The following DNAH10 variants were observed in gnomAD, a reference collection of about 807,000 sequenced individuals.
DNAH10 encodes the protein axonemal beta dynein heavy chain 10.
Under a neutral mutation model 506.6 loss-of-function variants are expected in DNAH10, and 348 were observed. The ratio of observed to expected loss-of-function variants is 0.69; its 90% confidence interval spans 0.63 to 0.75. DNAH10 has a LOEUF of 0.75. Ranked by LOEUF, DNAH10 falls within the 30% of genes least tolerant of loss-of-function variation. The pLI is 0.00. For synonymous variants in DNAH10, 2,059 were observed against 2,198.6 expected (o/e 0.94, Z 1.78); for missense variants, 5,179 against 5,787.1 (o/e 0.89, Z 3.41).
intron 59 of DNAH10, 121 bp downstream of exon 59, chr12:123,910,793 C>G: frequency 1.5e-6 from 2 of 1,315,798 alleles, no homozygotes; most frequent in South Asian, 1.5e-5. Flanking sequence ...GCTGCATAAA[C>G]TTTCCCTCCA....
At chr12:123,851,423 A>T (rs1455952391) in intron 35 of DNAH10, among the ~76,000 whole-genome samples, 1 of 150,292 alleles carries the variant, frequency 6.7e-6, no homozygotes, top group Non-Finnish European at 1.5e-5. Flanking sequence ...TGGCTCTTTG[A>T]TTTTTGTTTT....
Position 123,913,393 on chromosome 12 carries a change from T to A in DNAH10, c.10352+78T>A, listed in dbSNP as rs1954322766. On this transcript the variant is annotated intron_variant, in intron 60 of 78. Transcript: ENST00000673944. This position sits in a 1 kb window ranked among gnomAD's most constrained non-coding sequence, Gnocchi z 5.1. ...ACAGAGTTTCTCGCCATGTTGATTC[T>A]TTATCTCACGTTGTGTTTTTATGTG... 7.1e-7 allele frequency: 1 copy of A among 1,408,472 alleles called. No homozygotes were observed. Among genetic ancestry groups the A allele is most frequent in the Non-Finnish European group, 9.5e-7 (1 of 1,052,668 alleles). 87.2% of individuals were successfully genotyped at this position (1,408,472 alleles called of 1,614,324 possible).
Position 123,796,757 on chromosome 12 carries a change from G to A in DNAH10, c.2088G>A (p.Leu696=). 6.2e-7 allele frequency: 1 copy of A among 1,614,054 alleles called. No homozygotes were observed. The highest frequency in any genetic ancestry group is 8.5e-7 in the Non-Finnish European group (1 of 1,180,016). Residue 696 remains leucine, a synonymous_variant, in exon 13 of 79, where the codon CTG becomes CTA. Coordinates refer to ENST00000673944, the MANE Select transcript of DNAH10 (RefSeq NM_001372106.1). ...VAGAIYWERS[L]FFRIKHTILR... ...GTGCAATATACTGGGAACGATCTCT[G>A]TTCTTTCGGATTAAGCATACCATCC...
At position 123,870,430 on chromosome 12, in the gene DNAH10, T is replaced by C. The variant is rs1951982335; in HGVS notation, c.7584T>C (p.Ser2528=). 1 of 1,613,366 alleles carries C rather than the reference T, an allele frequency of 6.2e-7. No individual in the cohort carries two copies. Among genetic ancestry groups the C allele is most frequent in the Non-Finnish European group, 8.5e-7 (1 of 1,179,748 alleles). The change falls in exon 44 of 79, where the codon AGT becomes AGC. Residue 2528 remains serine, a synonymous_variant. Transcript: ENST00000673944. ...AACGGAATCAATGGGTCCCATGGAG[T>C]AAATTAGTTCCAGAGTATATTCATG... The part of the protein sequence containing the change: ...DNKRNQWVPW[S]KLVPEYIHAP...
chr12:123,905,856 G>T (rs1468172089), intron 57 of DNAH10, among the ~76,000 whole-genome samples: 1 of 151,942 alleles, frequency 6.6e-6, no homozygotes, highest in Non-Finnish European at 1.5e-5. Context: ...TGAGGTTTAT[G>T]TGTGTGTTTG....
At chr12:123,776,553 TTGCATTC>T (rs2135998031) in intron 5 of DNAH10, among the ~76,000 whole-genome samples, 1 of 152,074 alleles carries the variant, frequency 6.6e-6, no homozygotes, top group East Asian at 1.9e-4. Context: ...GTGTTGTATT[TTGCATTC>T]TAGACGGGAA....
At chr12:123,840,183 T>C (rs1950717499) in intron 29 of DNAH10, among the ~76,000 whole-genome samples, 1 of 151,842 alleles carries the variant, frequency 6.6e-6, no homozygotes, top group African/African-American at 2.4e-5. Context: ...ACATTGCCAA[T>C]GTCCCCTGGT....
intron 18 of DNAH10, 119 bp from the exon 19 acceptor site, chr12:123,808,678 T>C: frequency 9.7e-7 from 1 of 1,029,304 alleles, no homozygotes; most frequent in South Asian, 1.5e-5. Context: ...TAGGACAGCC[T>C]CACAGTGTGC....
At chr12:123,858,064 A>G (rs1380599212) in intron 37 of DNAH10, among the ~76,000 whole-genome samples, 1 of 152,138 alleles carries the variant, frequency 6.6e-6, no homozygotes, top group Non-Finnish European at 1.5e-5. Context: ...TAAATTTTAT[A>G]TATATAGTTT....
chr12:123,812,119 A>G (rs1470621155), intron 19 of DNAH10, among the ~76,000 whole-genome samples: 1 of 152,152 alleles, frequency 6.6e-6, no homozygotes, highest in Non-Finnish European at 1.5e-5. Context: ...CTAATGTGTC[A>G]CATACCTATG....
At chr12:123,908,121 T>C (rs371102034) in intron 57 of DNAH10, among the ~76,000 whole-genome samples, 3,664 of 71,500 alleles carry the variant, frequency 0.051, 234 homozygotes, top group African/African-American at 0.18. Context: ...TCCCTGTCTC[T>C]CTGTCTCCTC....
intron 24 of DNAH10, among the ~76,000 whole-genome samples, chr12:123,822,476 C>A (rs35764407): frequency 0.041 from 6,274 of 152,206 alleles, 169 homozygotes; most frequent in Non-Finnish European, 0.065. Flanking sequence ...ATATCTATAT[C>A]TGTCTATATC....
In DNAH10 at chr12:123,935,500, T is replaced by C. The variant is rs758861728; in HGVS notation, c.*19T>C. 4 of 1,566,508 alleles carry C rather than the reference T, an allele frequency of 2.6e-6. No homozygotes were observed. Among genetic ancestry groups the C allele is most frequent in the Non-Finnish European group, 3.5e-6 (4 of 1,144,364 alleles). On this transcript the variant is annotated 3_prime_UTR_variant, in exon 79 of 79. Coordinates refer to ENST00000673944, the MANE Select transcript of DNAH10 (RefSeq NM_001372106.1). ...TGATTAACCTTTGGGTGAAGAAAACTGCTTAATGAATTCGGAGCCTGGGGT... is the reference window on the plus strand; with the variant it reads ...TGATTAACCTTTGGGTGAAGAAAACCGCTTAATGAATTCGGAGCCTGGGGT...
intron 48 of DNAH10, 63 bp downstream of exon 48, chr12:123,877,971 A>G (rs1952334137): frequency 6.5e-7 from 1 of 1,547,592 alleles, no homozygotes; most frequent in South Asian, 1.2e-5. Context: ...TATTCTTTTA[A>G]GACAGAGGGC....
In DNAH10 at chr12:123,909,241, G is replaced by A. The variant is rs560139380; in HGVS notation, c.9816-20G>A. On this transcript the variant is annotated intron_variant, in intron 57 of 78. Coordinates refer to ENST00000673944, the MANE Select transcript of DNAH10 (RefSeq NM_001372106.1). The surrounding 1 kb of genome is among the most constrained non-coding windows in gnomAD (Gnocchi z 5.4). The stretch of plus-strand genomic sequence containing the variant: ...GCCACATCCCGGGGTTGTGACCCAC[G>A]TGCCTTGGTTTCTTGCCAGGTCGTT... 128 of 1,604,942 alleles carry A rather than the reference G, an allele frequency of 8.0e-5. No individual in the cohort carries two copies. The African/African-American group carries it at 8.4e-4, about 11-fold the overall frequency.
At position 123,841,490 on chromosome 12, in the gene DNAH10, A is replaced by G. The variant is rs1950774350; in HGVS notation, c.5305A>G (p.Thr1769Ala). ...GGCAGTTTTGAATGAGATGAGAAGAACTAATAGACTAATTACCAAAGAGGC... is the reference window on the plus strand; with the variant it reads ...GGCAGTTTTGAATGAGATGAGAAGAGCTAATAGACTAATTACCAAAGAGGC... ...MTAVLNEMRR[T>A]NRLITKEAIF... Residue 1769 changes from threonine (T) to alanine (A), a missense_variant, in exon 30 of 79, where the codon ACT (threonine) becomes GCT (alanine). Around this residue, in one of 3 missense-constraint regions of DNAH10, gnomAD observed 4,844 missense variants for 5,430.5 expected, o/e 0.89. Coordinates refer to ENST00000673944, the MANE Select transcript of DNAH10 (RefSeq NM_001372106.1). 1 of 1,613,978 alleles carries G rather than the reference A, an allele frequency of 6.2e-7. No homozygotes were observed. The highest frequency in any genetic ancestry group is 8.5e-7 in the Non-Finnish European group (1 of 1,179,878).
chr12:123,834,766 T>A (rs1299910166), intron 27 of DNAH10, among the ~76,000 whole-genome samples: 1 of 152,246 alleles, frequency 6.6e-6, no homozygotes. Flanking sequence ...ATAAGCGGAA[T>A]GACACAATAT....
At chr12:123,774,441 G>A (rs1957365901) in intron 5 of DNAH10, among the ~76,000 whole-genome samples, 177 bp downstream of exon 5, 1 of 152,148 alleles carries the variant, frequency 6.6e-6, no homozygotes, top group African/African-American at 2.4e-5. Context: ...AGAAATTAAA[G>A]ACACACACAC....
chr12:123,762,481 G>T lies in DNAH10; in HGVS notation c.145G>T (p.Glu49Ter). Residue 49 changes from glutamate (E) to a stop codon, truncating the protein, a stop_gained, in exon 1 of 79, where the codon GAG becomes TAG. Coordinates refer to ENST00000673944, the MANE Select transcript of DNAH10 (RefSeq NM_001372106.1). LOFTEE classifies it high-confidence loss of function. This position sits in a 1 kb window ranked among gnomAD's most constrained non-coding sequence, Gnocchi z 5.0. Reference sequence around the variant, plus strand: ...CTTGCACTTCCTCAACCAGGCGAGCGAGGAGGAGGGGCCCTCGGCGCTCTT... The same window carrying T: ...CTTGCACTTCCTCAACCAGGCGAGCTAGGAGGAGGGGCCCTCGGCGCTCTT... ...LILHFLNQAS[E>*]EEGPSALFIY... 6.6e-7 allele frequency: 1 copy of T among 1,510,900 alleles called. No homozygotes were observed. The highest frequency in any genetic ancestry group is 2.7e-5 in the East Asian group (1 of 37,394). 93.6% of individuals were successfully genotyped at this position (1,510,900 alleles called of 1,614,324 possible).
Sources: gnomAD v4.1 joint callset for allele counts (sites outside exome capture counted in the v4.1 genomes callset) on GRCh38, gnomAD v4.1.1 for gene constraint, gnomAD v4.1.1 regional missense constraint, Gnocchi (gnomAD v3.1) non-coding constraint, MANE v1.5 for transcripts, NCBI Gene and HGNC (gene_info 2026-07-23, HGNC 2026-07-21) for gene names.